PCDHA7: variants seen among roughly 807,000 people sequenced by gnomAD.
PCDHA7 encodes protocadherin alpha 7.
PCDHA7 carries 37 observed loss-of-function variants against 57.2 expected under a neutral mutation model. That is an observed-to-expected ratio of 0.65 (90% confidence interval 0.50 to 0.85). The LOEUF is 0.85. Ranked by LOEUF, PCDHA7 falls within the 40% of genes least tolerant of loss-of-function variation. The pLI is 0.00. For missense variants in PCDHA7, 1,188 were observed against 1,241.8 expected (o/e 0.96, Z 0.65); for synonymous variants, 553 against 558.8 (o/e 0.99, Z 0.15).
At chr5:140,932,549 C>T (rs1222820851) in intron 1 of PCDHA7, among the ~76,000 whole-genome samples, 1 of 151,864 alleles carries the variant, frequency 6.6e-6, no homozygotes, top group African/African-American at 2.4e-5. Context: ...ATTTAACATA[C>T]ATTCCACAAG....
At chr5:141,003,616 G>A (rs1360535833) in intron 3 of PCDHA7, among the ~76,000 whole-genome samples, 1 of 152,132 alleles carries the variant, frequency 6.6e-6, no homozygotes, top group African/African-American at 2.4e-5. Flanking sequence ...CCCGGCCCCA[G>A]AGGGCAGTTT....
intron 1 of PCDHA7, chr5:140,928,537 A>G (rs2085311063): frequency 1.2e-6 from 2 of 1,614,198 alleles, no homozygotes; most frequent in African/African-American, 2.7e-5. Context: ...GGTAGATAGG[A>G]ATGACAATTA....
intron 1 of PCDHA7, among the ~76,000 whole-genome samples, chr5:140,839,661 T>C (rs1554137540): frequency 1.3e-5 from 2 of 152,120 alleles, no homozygotes; most frequent in African/African-American, 4.8e-5. Context: ...TGTTTGCTAC[T>C]ATTTAGAGTC....
At chr5:140,894,317 A>G (rs2064424513) in intron 1 of PCDHA7, among the ~76,000 whole-genome samples, 1 of 152,034 alleles carries the variant, frequency 6.6e-6, no homozygotes, top group Non-Finnish European at 1.5e-5. Flanking sequence ...TTCTTAAATT[A>G]TAGATTTTAG....
intron 1 of PCDHA7, among the ~76,000 whole-genome samples, chr5:140,932,592 T>C (rs1435571468): frequency 7.2e-5 from 11 of 151,922 alleles, no homozygotes; most frequent in Non-Finnish European, 2.9e-5. Context: ...AGATGTTTTG[T>C]ATATCTATTT....
rs2150340110 is a variant in PCDHA7, at chr5:140,842,596, A to G, written c.2355+5858A>G. On this transcript the variant is annotated intron_variant, in intron 1 of 3. Coordinates refer to ENST00000525929, the MANE Select transcript of PCDHA7 (RefSeq NM_018910.3). ...GAGTGTCGGCCTATGAGTTGGTGGTAACCGCGCGGGACGGGGGCTCGCCTT... is the reference window on the plus strand; with the variant it reads ...GAGTGTCGGCCTATGAGTTGGTGGTGACCGCGCGGGACGGGGGCTCGCCTT... 5.2e-6 allele frequency: 8 copies of G among 1,537,682 alleles called. 1 individual carries two copies. Among genetic ancestry groups the G allele is most frequent in the South Asian group, 3.4e-5 (3 of 88,884 alleles).
At chr5:140,985,531 C>T (rs542453995) in intron 3 of PCDHA7, among the ~76,000 whole-genome samples, 102 of 152,254 alleles carry the variant, frequency 6.7e-4, no homozygotes, top group African/African-American at 1.9e-3. Context: ...TAAAGCTTCA[C>T]GGTGAAGATG....
chr5:140,876,258 C>G lies in PCDHA7; in HGVS notation c.2355+39520C>G, dbSNP rs782047443. ...ATGTCCAAAACGACACAAGAGTGAT[C>G]CAACTAAATGCTTCCGATCCAGACG... On this transcript the variant is annotated intron_variant, in intron 1 of 3. Coordinates refer to ENST00000525929, the MANE Select transcript of PCDHA7 (RefSeq NM_018910.3). 4 of 1,613,968 alleles carry G rather than the reference C, an allele frequency of 2.5e-6. No homozygotes were observed. The East Asian group carries it at 8.9e-5, about 36-fold the overall frequency.
chr5:140,843,436 C>G (rs2150359840), intron 1 of PCDHA7: 2 of 1,596,080 alleles, frequency 1.3e-6, no homozygotes, highest in Non-Finnish European at 8.6e-7. Flanking sequence ...TCGCCATCTG[C>G]GCGGTATCCA....
chr5:140,836,246 G>A lies in PCDHA7; in HGVS notation c.1863G>A (p.Pro621=), dbSNP rs2150134732. 2 of 1,613,810 alleles carry A rather than the reference G, an allele frequency of 1.2e-6. No homozygotes were observed. The highest frequency in any genetic ancestry group is 1.7e-6 in the Non-Finnish European group (2 of 1,179,818). The part of the protein sequence containing the change: ...LQPVAAGASI[P]FRVGLYTGEI... ...CGGTGGCGGCCGGTGCGAGCATCCC[G>A]TTCCGCGTGGGGCTGTACACTGGTG... Residue 621 remains proline (P), a synonymous_variant, in exon 1 of 4, where the codon CCG becomes CCA. Transcript: ENST00000525929.
chr5:140,866,357 A>G (rs1397788324), intron 1 of PCDHA7: 1 of 152,156 alleles, frequency 6.6e-6, no homozygotes, highest in Non-Finnish European at 1.5e-5. Flanking sequence ...AATGTTTACA[A>G]TATTGCATAC....
chr5:140,851,237 G>A (rs782702575), intron 1 of PCDHA7: 5 of 1,101,536 alleles, frequency 4.5e-6, no homozygotes, highest in African/African-American at 1.6e-5. Context: ...TTTATTTATT[G>A]CTAAATGATG....
Position 141,011,440 on chromosome 5 carries a change from T to G in PCDHA7, c.*1503T>G, listed in dbSNP as rs2098420601. 1 of 153,808 alleles carries G rather than the reference T, an allele frequency of 6.5e-6. No individual in the cohort carries two copies. Among genetic ancestry groups the G allele is most frequent in the Admixed American group, 6.5e-5 (1 of 15,282 alleles). 9.5% of individuals were successfully genotyped at this position (153,808 alleles called of 1,614,324 possible). A position where few individuals can be genotyped will look rare whatever the true frequency, so the allele number is the denominator to read the frequency against. Reference sequence around the variant, plus strand: ...ATGTTAATGCAACTATTACCTAGAGTGAACTTTAAGCTTTATTGTTGAATG... The same window carrying G: ...ATGTTAATGCAACTATTACCTAGAGGGAACTTTAAGCTTTATTGTTGAATG... On this transcript the variant is annotated 3_prime_UTR_variant, in exon 4 of 4. Transcript: ENST00000525929.
At chr5:140,936,153 A>G (rs539421853) in intron 1 of PCDHA7, among the ~76,000 whole-genome samples, 1 of 152,284 alleles carries the variant, frequency 6.6e-6, no homozygotes, top group Admixed American at 6.5e-5. Flanking sequence ...TTGGCCTCCT[A>G]AAGTGCTGGG....
intron 1 of PCDHA7, chr5:140,859,133 A>C (rs1196792734): frequency 6.7e-6 from 1 of 150,106 alleles, no homozygotes; most frequent in Non-Finnish European, 1.5e-5. Flanking sequence ...TTTTATTTAC[A>C]TAATTTTATC....
chr5:140,837,300 A>C (rs78200905), intron 1 of PCDHA7: 1 of 151,976 alleles, frequency 6.6e-6, no homozygotes, highest in Non-Finnish European at 1.5e-5. Flanking sequence ...CTTTGTTGAG[A>C]TGTATTTGCC....
At chr5:140,953,988 A>G (rs1554221181) in intron 1 of PCDHA7, among the ~76,000 whole-genome samples, 1 of 151,898 alleles carries the variant, frequency 6.6e-6, no homozygotes, top group African/African-American at 2.4e-5. Flanking sequence ...TCATATTTTC[A>G]TGTGTACTCA....
At chr5:140,914,140 T>C (rs1006570934) in intron 1 of PCDHA7, among the ~76,000 whole-genome samples, 2 of 152,230 alleles carry the variant, frequency 1.3e-5, no homozygotes, top group African/African-American at 4.8e-5. Flanking sequence ...AGTTTTTGTC[T>C]GTCAGTTCTG....
At chr5:140,858,600 T>TA (rs1554151860) in intron 1 of PCDHA7, 1 of 1,293,862 alleles carries the variant, frequency 7.7e-7, no homozygotes, top group Non-Finnish European at 1.1e-6. Context: ...CCAGGAGTTT[T>TA]AAAATTTTTT....
Sources: gnomAD v4.1 joint callset for allele counts (sites outside exome capture counted in the v4.1 genomes callset) on GRCh38, gnomAD v4.1.1 for gene constraint, MANE v1.5 for transcripts, NCBI Gene and HGNC (gene_info 2026-07-23, HGNC 2026-07-21) for gene names.